The following DGKD variants were observed in gnomAD, a reference collection of about 807,000 sequenced individuals.
DGKD encodes diacylglycerol kinase delta.
DGKD carries 68 observed loss-of-function variants against 154.4 expected under a neutral mutation model. The ratio of observed to expected loss-of-function variants is 0.44; its 90% CI spans 0.36 to 0.54. The LOEUF (loss-of-function observed/expected upper bound fraction) is 0.54. Among genes scored for constraint, DGKD ranks in the 20% least tolerant of loss-of-function variants. The pLI, the probability that DGKD is intolerant of heterozygous loss-of-function variation, is 0.00. For missense variants in DGKD, 1,343 were observed against 1,593.6 expected, an observed-to-expected ratio of 0.84 and a Z score of 2.68; for synonymous variants, 693 against 638.0, an observed-to-expected ratio of 1.09 and a Z score of -1.30.
chr2:233,453,207 G>C (rs1254728023), intron 18 of DGKD, among the ~76,000 whole-genome samples: 2 of 152,124 alleles, frequency 1.3e-5, no homozygotes, highest in East Asian at 3.9e-4. Context: ...GTGCTTTGCT[G>C]CCTTCCTGCT....
rs533023355 is a variant in DGKD, at chr2:233,429,362, C to T, written c.349-5018C>T. On this transcript the variant is annotated intron_variant, in intron 3 of 29. Transcript: ENST00000264057. ...TGACAAAAGTGTTCAAATATTAAAA[C>T]TCACCCAGGGTGAACAGTTCGGGAC... 88 of 977,762 alleles carry T rather than the reference C, an allele frequency of 9.0e-5. No homozygotes were observed. In the African/African-American group the frequency reaches 1.4e-3, roughly 16 times the overall value. The allele number at this position is 977,762 out of a possible 1,614,324, so 60.6% of individuals were successfully genotyped here.
intron 3 of DGKD, among the ~76,000 whole-genome samples, chr2:233,419,799 C>T (rs2062056873): frequency 6.6e-6 from 1 of 152,128 alleles, no homozygotes; most frequent in African/African-American, 2.4e-5. Flanking sequence ...GGATTTTCAC[C>T]TTGTCTGTCG....
chr2:233,361,730 G>A (rs1201417529), intron 1 of DGKD, among the ~76,000 whole-genome samples: 1 of 152,222 alleles, frequency 6.6e-6, no homozygotes, highest in East Asian at 1.9e-4. Context: ...TGGATCATTG[G>A]AGGTCACGAG....
chr2:233,403,915 C>T (rs943590555), intron 3 of DGKD, among the ~76,000 whole-genome samples: 3 of 152,144 alleles, frequency 2.0e-5, no homozygotes, highest in Admixed American at 2.0e-4. Flanking sequence ...GCTGGGATTA[C>T]AGGCGTGAGC....
intron 24 of DGKD, 140 bp downstream of exon 24, chr2:233,460,485 TA>T: frequency 8.9e-7 from 1 of 1,123,472 alleles, no homozygotes; most frequent in Non-Finnish European, 1.2e-6. Context: ...CGAGCCTGTT[TA>T]TGTGCCCTCA....
intron 3 of DGKD, among the ~76,000 whole-genome samples, chr2:233,414,246 C>T (rs1460707796): frequency 1.3e-5 from 2 of 152,194 alleles, no homozygotes; most frequent in Admixed American, 6.5e-5. Flanking sequence ...CATTCAGGTC[C>T]CCAGCATCTG....
At chr2:233,391,157 T>C (rs1220476635) in intron 3 of DGKD, among the ~76,000 whole-genome samples, 1 of 152,222 alleles carries the variant, frequency 6.6e-6, no homozygotes, top group African/African-American at 2.4e-5. Flanking sequence ...TCAAAAAACA[T>C]TGAATGTTAA....
At chr2:233,442,849 C>A (rs1419695917) in intron 10 of DGKD, among the ~76,000 whole-genome samples, 1 of 152,172 alleles carries the variant, frequency 6.6e-6, no homozygotes. Context: ...CATGATCCGC[C>A]CACCTTGGCC....
At position 233,441,183 on chromosome 2, in the gene DGKD, G is replaced by A. The variant is rs145592629; in HGVS notation, c.1086-704G>A. On this transcript the variant is annotated intron_variant, in intron 9 of 29. Transcript: ENST00000264057. This position sits in a 1 kb window ranked among gnomAD's most constrained non-coding sequence, Gnocchi z 5.6. Reference sequence around the variant, plus strand: ...TGAGGAGTGAGCAGAAGCGGCACTGGTCTCCTGAGTGGGGACGCTGCTGGG... The same window carrying A: ...TGAGGAGTGAGCAGAAGCGGCACTGATCTCCTGAGTGGGGACGCTGCTGGG... 3.9e-3 allele frequency among the ~76,000 whole-genome samples: 599 copies of A among 152,262 alleles called. 2 individuals are homozygous for A. The highest frequency in any genetic ancestry group is 6.8e-3 in the Admixed American group (104 of 15,294).
intron 1 of DGKD, among the ~76,000 whole-genome samples, chr2:233,380,607 G>C (rs895370706): frequency 3.3e-5 from 5 of 152,212 alleles, no homozygotes; most frequent in Admixed American, 2.6e-4. Flanking sequence ...TATGATGAAA[G>C]GTCCCCCGCG....
At chr2:233,363,399 T>C (rs1701876549) in intron 1 of DGKD, among the ~76,000 whole-genome samples, 1 of 152,240 alleles carries the variant, frequency 6.6e-6, no homozygotes, top group African/African-American at 2.4e-5. Flanking sequence ...AAAATACTTT[T>C]GTACAAGTGT....
intron 1 of DGKD, among the ~76,000 whole-genome samples, chr2:233,380,121 A>G (rs1424828162): frequency 3.3e-5 from 5 of 152,184 alleles, no homozygotes; most frequent in Non-Finnish European, 4.4e-5. Context: ...AATACAATCA[A>G]TGATCCTAGG....
intron 1 of DGKD, among the ~76,000 whole-genome samples, chr2:233,368,915 C>T (rs148293465): frequency 7.2e-5 from 11 of 152,328 alleles, no homozygotes; most frequent in African/African-American, 1.9e-4. Flanking sequence ...GGACAGTGTG[C>T]GTCCTGTGGC....
At chr2:233,431,770 A>T (rs1273979295) in intron 3 of DGKD, among the ~76,000 whole-genome samples, 2 of 152,380 alleles carry the variant, frequency 1.3e-5, no homozygotes, top group African/African-American at 4.8e-5. Flanking sequence ...GGTTATCCAT[A>T]TGCAGAAGAA....
At chr2:233,373,258 C>T (rs56871749) in intron 1 of DGKD, among the ~76,000 whole-genome samples, 10,149 of 152,234 alleles carry the variant, frequency 0.067, 467 homozygotes, top group African/African-American at 0.13. Flanking sequence ...GAATGCGTTT[C>T]AGCAGTGTGT....
intron 3 of DGKD, among the ~76,000 whole-genome samples, chr2:233,412,758 A>C (rs1024992408): frequency 1.3e-5 from 2 of 152,096 alleles, no homozygotes; most frequent in African/African-American, 2.4e-5. Flanking sequence ...CAGTTTGAGG[A>C]TGTTCTTTAC....
chr2:233,394,386 G>A (rs931854123), intron 3 of DGKD, among the ~76,000 whole-genome samples: 6 of 151,858 alleles, frequency 4.0e-5, no homozygotes, highest in Non-Finnish European at 8.8e-5. Context: ...GGGACTACAG[G>A]TGCTTGATAC....
chr2:233,458,329 G>A lies in DGKD; in HGVS notation c.2626G>A (p.Ala876Thr), dbSNP rs375247232. Residue 876 changes from alanine (A) to threonine (T), a missense_variant, in exon 22 of 30, where the codon GCC becomes ACC. Transcript: ENST00000264057. The surrounding 1 kb of genome is among the most constrained non-coding windows in gnomAD (Gnocchi z 6.6). The part of the protein sequence containing the change: ...SFDDKILEVV[A>T]VFGSMQMAVS... ...CGATGACAAGATTCTGGAGGTGGTC[G>A]CCGTGTTCGGCAGCATGCAGATGGC... 5 of 1,612,368 alleles carry A rather than the reference G, an allele frequency of 3.1e-6. No homozygotes were observed. Among genetic ancestry groups the A allele is most frequent in the Middle Eastern group, 1.6e-4 (1 of 6,062 alleles).
chr2:233,390,477 T>C lies in DGKD; in HGVS notation c.342T>C (p.Ser114=). The C allele has an allele frequency of 6.2e-7, 1 of 1,613,488 alleles. No homozygotes were observed. Among genetic ancestry groups the C allele is most frequent in the Non-Finnish European group, 8.5e-7 (1 of 1,179,510 alleles). Residue 114 remains serine, a synonymous_variant, in exon 3 of 30, where the codon AGT becomes AGC. Coordinates refer to ENST00000264057, the MANE Select transcript of DGKD (RefSeq NM_152879.3). ...CCAGTACCAAAAACGTCAACAACAG[T>C]TTTACGGTAAGATTCCTCAGTCATG... ...AESSTKNVNN[S]FTVITPCRKL... is the part of the protein sequence containing the mutation.
Sources: allele counts gnomAD v4.1 joint callset (sites outside exome capture counted in the v4.1 genomes callset), GRCh38; gene constraint gnomAD v4.1.1; non-coding constraint Gnocchi (gnomAD v3.1); transcripts MANE v1.5; gene names NCBI Gene and HGNC (gene_info 2026-07-23, HGNC 2026-07-21).